Variants in ZBTB25 observed in about 807,000 individuals in gnomAD.
ZBTB25 encodes the protein zinc finger and BTB domain-containing protein 25.
A neutral mutation model predicts 34.2 loss-of-function variants in ZBTB25; 20 were observed. That is an observed-to-expected ratio of 0.58 (90% CI 0.41 to 0.85). The LOEUF is 0.85. ZBTB25 is among the 40% of genes least tolerant of loss of function. The pLI is 0.00. For synonymous variants in ZBTB25, 175 were observed against 186.4 expected, an observed-to-expected ratio of 0.94 and a Z score of 0.50; for missense variants, 437 against 521.8, an observed-to-expected ratio of 0.84 and a Z score of 1.58.
rs148652014 is a variant in ZBTB25 at position 64,469,529 on chromosome 14, G to A, written c.174-19891C>T. On this transcript the variant is annotated intron_variant, in intron 2 of 2. Transcript: ENST00000555220. ...AGTAGGGGTTTTTGCTAATGATAAT[G>A]GTTTTGAGGATAGAACTTCAGAACA... 3.1e-5 allele frequency: 50 copies of A among 1,613,836 alleles called. No homozygotes were observed. Among genetic ancestry groups the A allele is most frequent in the Admixed American group, 8.3e-5 (5 of 59,974 alleles).
In ZBTB25 at chr14:64,482,553, T is replaced by C. The variant is rs1438509433; in HGVS notation, c.*4370A>G. The C allele has an allele frequency of 2.0e-5, 3 of 152,322 alleles. No individual in the cohort carries two copies. Among genetic ancestry groups the C allele is most frequent in the East Asian group, 1.9e-4 (1 of 5,188 alleles). The allele number at this position is 152,322 out of a possible 1,614,324, so 9.4% of individuals were successfully genotyped here. On this transcript the variant is annotated 3_prime_UTR_variant, in exon 3 of 3. Transcript: ENST00000608382. ...GGGAGAACTTTCAATAAAGCTGAAA[T>C]TGACAAAGTTTTATTCCCAATAATG...
intron 2 of ZBTB25, chr14:64,469,765 G>A: frequency 1.0e-6 from 1 of 980,174 alleles, no homozygotes. Flanking sequence ...AGTAACAAAT[G>A]AGAGATTTAT....
At chr14:64,450,386 G>C (rs1462317166) in intron 2 of ZBTB25, among the ~76,000 whole-genome samples, 2 of 152,116 alleles carry the variant, frequency 1.3e-5, no homozygotes, top group Admixed American at 6.5e-5. Flanking sequence ...TCCTGGTAAG[G>C]TGCTGCCTCA....
Position 64,487,166 on chromosome 14 carries a change from A to G in ZBTB25, c.1065T>C (p.Gly355=). Residue 355 remains glycine (G), a synonymous_variant, in exon 3 of 3, where the codon GGT becomes GGC. Coordinates refer to ENST00000608382, the MANE Select transcript of ZBTB25 (RefSeq NM_006977.5). ...RKRKMSCTIC[G]HKFPRKSQLL... ...ATTGGCTCTTTCGAGGGAATTTATG[A>G]CCACAGATGGTACAGCTCATTTTTC... 6.2e-7 allele frequency: 1 copy of G among 1,614,046 alleles called. No homozygotes were observed. Among genetic ancestry groups the G allele is most frequent in the Non-Finnish European group, 8.5e-7 (1 of 1,179,980 alleles).
At chr14:64,499,134 T>C (rs1357790317) in intron 1 of ZBTB25, among the ~76,000 whole-genome samples, 5 of 152,206 alleles carry the variant, frequency 3.3e-5, no homozygotes, top group African/African-American at 4.8e-5. Context: ...CTAAGTAAGA[T>C]AGAACAACTT....
chr14:64,484,697 T>C lies in ZBTB25; in HGVS notation c.*2226A>G, dbSNP rs2078840103. 1 of 151,342 alleles carries C rather than the reference T, an allele frequency of 6.6e-6. No homozygotes were observed. Among genetic ancestry groups the C allele is most frequent in the Non-Finnish European group, 1.5e-5 (1 of 67,900 alleles). The allele number at this position is 151,342 out of a possible 1,614,324, so 9.4% of individuals were successfully genotyped here. ...AACTCCATCTTAAAAAAAAATTAAA[T>C]TAAAAAAATAATAATAATGAGTAGG... On this transcript the variant is annotated 3_prime_UTR_variant, in exon 3 of 3. Coordinates refer to ENST00000608382, the MANE Select transcript of ZBTB25 (RefSeq NM_006977.5).
chr14:64,503,037 T>C (rs1030318716), intron 1 of ZBTB25: 4 of 985,326 alleles, frequency 4.1e-6, no homozygotes, highest in Non-Finnish European at 4.8e-6. Flanking sequence ...TTCCAGGTAC[T>C]ACGTTGTGCT....
chr14:64,480,815 G>A lies in ZBTB25; in HGVS notation c.*6108C>T, dbSNP rs1311271630. On this transcript the variant is annotated 3_prime_UTR_variant, in exon 3 of 3. Coordinates refer to ENST00000608382, the MANE Select transcript of ZBTB25 (RefSeq NM_006977.5). ...TGCCACCACACCCAGCTAATTTTTT[G>A]TGTTTTACTAGAGACAGGGTTTCAC... 2 of 150,306 alleles carry A rather than the reference G, an allele frequency of 1.3e-5. No individual in the cohort carries two copies. Among genetic ancestry groups the A allele is most frequent in the Non-Finnish European group, 2.9e-5 (2 of 67,806 alleles). The allele number at this position is 150,306 out of a possible 1,614,324, so 9.3% of individuals were successfully genotyped here.
downstream of ZBTB25, chr14:64,473,845 T>C (rs1176800430): frequency 6.0e-6 from 1 of 166,922 alleles, no homozygotes; most frequent in Non-Finnish European, 1.5e-5. Context: ...TTTTATTGGG[T>C]AACATGAACT....
At chr14:64,469,298 G>A in intron 2 of ZBTB25, 2 of 1,613,164 alleles carry the variant, frequency 1.2e-6, no homozygotes, top group Non-Finnish European at 8.5e-7. Flanking sequence ...GATTGTAGCT[G>A]AAGAAACTAA....
chr14:64,455,119 C>T (rs926815005), intron 2 of ZBTB25: 2 of 494,212 alleles, frequency 4.0e-6, no homozygotes, highest in South Asian at 4.1e-5. Flanking sequence ...ATAAAAAATT[C>T]TGTTTCCCAG....
chr14:64,502,797 T>C, intron 1 of ZBTB25: 1 of 959,320 alleles, frequency 1.0e-6, no homozygotes, highest in Non-Finnish European at 1.2e-6. Context: ...CATCACGCTC[T>C]TCAGGCCTGG....
intron 1 of ZBTB25, among the ~76,000 whole-genome samples, chr14:64,498,671 T>C (rs1260059501): frequency 1.3e-5 from 2 of 150,606 alleles, no homozygotes; most frequent in African/African-American, 2.5e-5. Flanking sequence ...TCTCACTCTG[T>C]TGCCCAGGCT....
rs1277951879 is a variant in ZBTB25, at chr14:64,487,757, T to C, written c.474A>G (p.Arg158=). The change falls in exon 3 of 3, where the codon AGA becomes AGG. Residue 158 remains arginine, a synonymous_variant. Coordinates refer to ENST00000608382, the MANE Select transcript of ZBTB25 (RefSeq NM_006977.5). ...GGGGGTGGTCACCCTGGACAGCAGC[T>C]CTGTTTCCACTGTTACTGGAAGGAG... ...KEAPSSNSGN[R]AAVQGDHPQL... 6.2e-7 allele frequency: 1 copy of C among 1,614,142 alleles called. No homozygotes were observed. Among genetic ancestry groups the C allele is most frequent in the Admixed American group, 1.7e-5 (1 of 60,026 alleles).
chr14:64,499,566 CAAAAAA>C (rs1317692809), intron 1 of ZBTB25: 1 of 98,062 alleles, frequency 1.0e-5, no homozygotes, highest in Admixed American at 1.2e-4. Flanking sequence ...AACTCCATCT[CAAAAAA>C]AAAAAGAAAA....
chr14:64,459,559 T>C (rs1285307476), intron 2 of ZBTB25, among the ~76,000 whole-genome samples: 1 of 152,332 alleles, frequency 6.6e-6, no homozygotes, highest in African/African-American at 2.4e-5. Context: ...TCTTGAACAG[T>C]ATTCACACAG....
chr14:64,479,330 C>A lies in ZBTB25; in HGVS notation c.*7593G>T, dbSNP rs1566592200. On this transcript the variant is annotated 3_prime_UTR_variant, in exon 3 of 3. Transcript: ENST00000608382. ...GTTTAGCAGCATCCCTGGCCTCCAC[C>A]TACTAGATGCCAGCAGCAGCCTCCC... 1 of 152,212 alleles carries A rather than the reference C, an allele frequency of 6.6e-6. No homozygotes were observed. The highest frequency in any genetic ancestry group is 1.5e-5 in the Non-Finnish European group (1 of 68,072). The allele number at this position is 152,212 out of a possible 1,614,324, so 9.4% of individuals were successfully genotyped here. A position where few individuals can be genotyped will look rare whatever the true frequency, so the allele number is the denominator to read the frequency against.
At position 64,486,484 on chromosome 14, in the gene ZBTB25, A is replaced by T; in HGVS notation, c.*439T>A. ...GCATTAAAGTAACTATTAATTTCCT[A>T]TATGGAAGAAAATATTTAAAAATAA... On this transcript the variant is annotated 3_prime_UTR_variant, in exon 3 of 3. Transcript: ENST00000608382. The T allele has an allele frequency of 3.1e-6, 3 of 964,356 alleles. No individual in the cohort carries two copies. The South Asian group carries it at 1.4e-4, about 46-fold the overall frequency. The allele number at this position is 964,356 out of a possible 1,614,324, so 59.7% of individuals were successfully genotyped here.
chr14:64,470,219 C>T (rs2078653890), intron 2 of ZBTB25: 1 of 167,126 alleles, frequency 6.0e-6, no homozygotes, highest in Non-Finnish European at 1.5e-5. Flanking sequence ...ATTGCATTTT[C>T]CCAATTTCAG....
Sources: gnomAD v4.1 joint callset for allele counts (sites outside exome capture counted in the v4.1 genomes callset) on GRCh38, gnomAD v4.1.1 for gene constraint, MANE v1.5 for transcripts, NCBI Gene and HGNC (gene_info 2026-07-23, HGNC 2026-07-21) for gene names.